The following ATAD2B variants were observed in gnomAD, a reference collection of about 807,000 sequenced individuals.
ATAD2B encodes ATPase family AAA domain-containing protein 2B.
ATAD2B carries 40 observed loss-of-function variants against 167.6 expected under a neutral mutation model. The ratio of observed to expected loss-of-function variants is 0.24; its 90% CI spans 0.19 to 0.31. The LOEUF is 0.31. ATAD2B is among the 10% of genes least tolerant of loss of function. ATAD2B has a pLI of 1.00. For missense variants in ATAD2B, 1,242 were observed against 1,757.2 expected (o/e 0.71, Z 5.24); for synonymous variants, 579 against 596.5 (o/e 0.97, Z 0.43).
Position 23,810,482 on chromosome 2 carries a change from G to T in ATAD2B, c.2288C>A (p.Thr763Asn). The T allele has an allele frequency of 6.2e-7, 1 of 1,613,730 alleles. No homozygotes were observed. Among genetic ancestry groups the T allele is most frequent in the Non-Finnish European group, 8.5e-7 (1 of 1,179,694 alleles). Reference sequence around the variant, plus strand: ...GAGCAATAAGCGTGGCCTGTAAGAGGTTGGCTGATGATATGGTGACCTGTA... The same window carrying T: ...GAGCAATAAGCGTGGCCTGTAAGAGTTTGGCTGATGATATGGTGACCTGTA... The part of the protein sequence containing the change: ...HFTMSPYHQP[T>N]SYRPRLLLSG... Residue 763 changes from threonine (T) to asparagine (N), a missense_variant, in exon 18 of 28, where the codon ACC (threonine) becomes AAC (asparagine). Thr to Asn is a moderately conservative substitution (Grantham distance 65). Coordinates refer to ENST00000238789, the MANE Select transcript of ATAD2B (RefSeq NM_017552.4).
intron 17 of ATAD2B, among the ~76,000 whole-genome samples, chr2:23,819,542 A>G (rs1393151785): frequency 6.6e-6 from 1 of 151,948 alleles, no homozygotes; most frequent in African/African-American, 2.4e-5. Flanking sequence ...CTACTTGGAG[A>G]AAAAAACACC....
At chr2:23,832,188 G>C (rs10432637) in intron 14 of ATAD2B, 443,886 of 467,844 alleles carry the variant, frequency 0.95, 210,799 homozygotes, top group East Asian at 0.99. Context: ...ACACCCCACT[G>C]TCTTTAGTTT....
At chr2:23,697,379 G>A in the ATAD2B span, 1 of 152,242 alleles carries the variant, frequency 6.6e-6, no homozygotes, top group Non-Finnish European at 1.5e-5. Flanking sequence ...GGAGAAACTA[G>A]TGCCTGGAGG....
At position 23,767,228 on chromosome 2, in the gene ATAD2B, T is replaced by C. The variant is rs531599919; in HGVS notation, c.3134-1600A>G. On this transcript the variant is annotated intron_variant, in intron 22 of 27. Coordinates refer to ENST00000238789, the MANE Select transcript of ATAD2B (RefSeq NM_017552.4). ...CTCATTCCTATTACCTGCTCTGTCA[T>C]AACCATTTTTCCCGCCAAAACACTT... Among the ~76,000 whole-genome samples, 24 of 152,252 alleles carry C rather than the reference T, an allele frequency of 1.6e-4. No individual in the cohort carries two copies. In the South Asian group the frequency reaches 4.4e-3, roughly 28 times the overall value.
At chr2:23,810,574 A>T in intron 17 of ATAD2B, 72 bp from the exon 18 acceptor site, 1 of 1,253,094 alleles carries the variant, frequency 8.0e-7, no homozygotes. Context: ...ATCAGGCAAA[A>T]TTTTTACATT....
intron 12 of ATAD2B, among the ~76,000 whole-genome samples, chr2:23,862,329 T>A (rs187961677): frequency 2.6e-5 from 4 of 152,078 alleles, no homozygotes; most frequent in Admixed American, 2.6e-4. Context: ...ATCAAATATA[T>A]GCTGCATTGC....
chr2:23,910,947 C>A (rs1702207313), intron 1 of ATAD2B, among the ~76,000 whole-genome samples: 1 of 151,832 alleles, frequency 6.6e-6, no homozygotes, highest in South Asian at 2.1e-4. Context: ...GTAACATAGG[C>A]CGGGTGCAGC....
At chr2:23,816,604 A>T (rs1211879443) in intron 17 of ATAD2B, among the ~76,000 whole-genome samples, 1 of 152,188 alleles carries the variant, frequency 6.6e-6, no homozygotes, top group African/African-American at 2.4e-5. Context: ...GAGGACATGG[A>T]AGTGTGGTCA....
At chr2:23,707,349 T>G in the ATAD2B span, 1 of 152,228 alleles carries the variant, frequency 6.6e-6, no homozygotes, top group African/African-American at 2.4e-5. Flanking sequence ...TCTTACCCGG[T>G]ATGAATTATT....
At chr2:23,699,399 T>A in the ATAD2B span, among the ~76,000 whole-genome samples, 1 of 152,186 alleles carries the variant, frequency 6.6e-6, no homozygotes, top group Non-Finnish European at 1.5e-5. Flanking sequence ...TGTCCCCTGC[T>A]GGGAGGGCCT....
chr2:23,775,492 G>A (rs919943716), intron 22 of ATAD2B, among the ~76,000 whole-genome samples: 2 of 152,096 alleles, frequency 1.3e-5, no homozygotes, highest in African/African-American at 2.4e-5. Context: ...GATTACAGGC[G>A]TGAGCCACCG....
intron 2 of ATAD2B, among the ~76,000 whole-genome samples, chr2:23,895,245 T>A (rs1700024159): frequency 6.6e-6 from 1 of 152,154 alleles, no homozygotes; most frequent in South Asian, 2.1e-4. Context: ...ATCTTTTCTA[T>A]GTGTGTGCCT....
At chr2:23,875,055 CAA>C (rs66995474) in intron 8 of ATAD2B, among the ~76,000 whole-genome samples, 4 of 127,318 alleles carry the variant, frequency 3.1e-5, no homozygotes, top group Non-Finnish European at 4.8e-5. Flanking sequence ...GATTCCATCT[CAA>C]AAAAAAAAAA....
At chr2:23,683,599 C>G in the ATAD2B span, among the ~76,000 whole-genome samples, 1 of 152,226 alleles carries the variant, frequency 6.6e-6, no homozygotes, top group Non-Finnish European at 1.5e-5. Context: ...TCTGTGCCAG[C>G]CCCAGGTCCA....
chr2:23,719,056 C>T, the ATAD2B span, among the ~76,000 whole-genome samples: 2 of 152,178 alleles, frequency 1.3e-5, no homozygotes, highest in Admixed American at 6.5e-5. Flanking sequence ...CGGCCATGGA[C>T]ATCTTTGGGG....
At chr2:23,863,268 T>A in intron 12 of ATAD2B, 113 bp downstream of exon 12, 1 of 1,011,684 alleles carries the variant, frequency 9.9e-7, no homozygotes. Flanking sequence ...GAGATCACGC[T>A]ATTGCACTCA....
At chr2:23,865,339 C>A (rs1410708359) in intron 10 of ATAD2B, among the ~76,000 whole-genome samples, 1 of 151,892 alleles carries the variant, frequency 6.6e-6, no homozygotes, top group Non-Finnish European at 1.5e-5. Context: ...GACCAGCCTG[C>A]CCAACATGGT....
Position 23,810,388 on chromosome 2 carries a change from G to C in ATAD2B, c.2382C>G (p.Phe794Leu). 1 of 1,613,890 alleles carries C rather than the reference G, an allele frequency of 6.2e-7. No individual in the cohort carries two copies. Among genetic ancestry groups the C allele is most frequent in the Middle Eastern group, 1.6e-4 (1 of 6,062 alleles). Residue 794 changes from phenylalanine to leucine, a missense_variant, in exon 18 of 28, where the codon TTC (phenylalanine) becomes TTG (leucine). Physicochemically the swap from Phe to Leu is conservative, Grantham distance 22 (BLOSUM62 0). Around this residue, in one of 9 missense-constraint regions of ATAD2B, gnomAD observed 145 missense variants for 181.9 expected, o/e 0.80. Coordinates refer to ENST00000238789, the MANE Select transcript of ATAD2B (RefSeq NM_017552.4). ...CTGGGAGATCTAGTCTATGCACAGA[G>C]AATCTTTCTAGAGTGTGCAAAAGTG... ...APALLHTLER[F>L]SVHRLDLPAL...
chr2:23,826,305 G>A (rs1258165185), intron 15 of ATAD2B, among the ~76,000 whole-genome samples: 5 of 152,162 alleles, frequency 3.3e-5, no homozygotes, highest in Non-Finnish European at 7.4e-5. Context: ...GTAACCACAT[G>A]TGCTGGTTAG....
Sources: allele counts gnomAD v4.1 joint callset (sites outside exome capture counted in the v4.1 genomes callset), GRCh38; gene constraint gnomAD v4.1.1; regional missense constraint gnomAD v4.1.1; transcripts MANE v1.5; gene names NCBI Gene and HGNC (gene_info 2026-07-23, HGNC 2026-07-21).